The following RGS6 variants were observed in gnomAD, a reference collection of about 807,000 sequenced individuals.
The protein encoded by RGS6 is regulator of G-protein signaling 6.
In RGS6, 30 loss-of-function variants were observed where a neutral mutation model predicts 78.5. The ratio of observed to expected loss-of-function variants is 0.38; its 90% CI spans 0.29 to 0.52. RGS6 has a LOEUF of 0.52. Ranked by LOEUF, RGS6 falls within the 20% of genes least tolerant of loss-of-function variation. RGS6 has a pLI of 0.85. For missense variants in RGS6, 495 were observed against 609.7 expected, an observed-to-expected ratio of 0.81 and a Z score of 1.98; for synonymous variants, 206 against 206.0, an observed-to-expected ratio of 1.00 and a Z score of 0.00.
the RGS6 span, among the ~76,000 whole-genome samples, chr14:71,896,965 G>A: frequency 3.6e-4 from 55 of 152,290 alleles, no homozygotes; most frequent in Admixed American, 5.9e-4. Context: ...GGGTTAGATT[G>A]GCTTAGGTAA....
At chr14:72,592,008 G>C in the RGS6 span, among the ~76,000 whole-genome samples, 1 of 152,192 alleles carries the variant, frequency 6.6e-6, no homozygotes, top group Admixed American at 6.5e-5. Context: ...CAGGAGGGGA[G>C]AGTCATCCAA....
intron 2 of RGS6, among the ~76,000 whole-genome samples, chr14:72,062,928 G>A (rs1019051296): frequency 6.6e-6 from 1 of 152,146 alleles, no homozygotes; most frequent in Non-Finnish European, 1.5e-5. Flanking sequence ...CCAGGTTCAA[G>A]CATTCGTGCC....
rs533318145 is a variant in RGS6 at position 72,111,256 on chromosome 14, C to G, written c.84+146381C>G. On this transcript the variant is annotated intron_variant, in intron 2 of 17. Coordinates refer to ENST00000553525, the MANE Select transcript of RGS6 (RefSeq NM_001204424.2). ...TAGCTAAAGTAAATGACATCCAACT[C>G]TCCTTACATGGAAAAAAGGCACTAA... Among the ~76,000 whole-genome samples, 55 of 152,270 alleles carry G rather than the reference C, an allele frequency of 3.6e-4. 1 individual carries two copies. The highest frequency in any genetic ancestry group is 2.9e-5 in the Non-Finnish European group (2 of 68,018).
intron 17 of RGS6, among the ~76,000 whole-genome samples, chr14:72,561,239 C>G (rs1186584179): frequency 2.6e-5 from 4 of 152,166 alleles, no homozygotes; most frequent in African/African-American, 9.7e-5. Context: ...GCCCTCACAC[C>G]CCACTTGGAA....
At chr14:71,976,535 G>A (rs890105207) in intron 2 of RGS6, among the ~76,000 whole-genome samples, 2 of 151,648 alleles carry the variant, frequency 1.3e-5, no homozygotes, top group African/African-American at 4.9e-5. Context: ...TCTTGCGATA[G>A]TTTACTGAGA....
intron 6 of RGS6, 126 bp from the exon 7 acceptor site, chr14:72,465,632 G>GGATT (rs2153275391): frequency 1.6e-6 from 1 of 634,398 alleles, no homozygotes; most frequent in East Asian, 3.0e-5. Flanking sequence ...GTGGATGGAT[G>GGATT]GATGGATGGA....
chr14:72,575,431 G>T, the RGS6 span, among the ~76,000 whole-genome samples: 1 of 152,144 alleles, frequency 6.6e-6, no homozygotes, highest in Non-Finnish European at 1.5e-5. Context: ...ATAGGTGAGG[G>T]CATTGAGGGT....
intron 2 of RGS6, among the ~76,000 whole-genome samples, chr14:72,108,576 T>C (rs958646256): frequency 3.3e-5 from 5 of 152,020 alleles, no homozygotes; most frequent in African/African-American, 9.6e-5. Context: ...TCTTCAAAAT[T>C]TATCAATTCT....
At chr14:72,085,853 C>CAAAAAAAAAAA (rs35951230) in intron 2 of RGS6, among the ~76,000 whole-genome samples, 2 of 72,750 alleles carry the variant, frequency 2.7e-5, no homozygotes, top group Non-Finnish European at 4.8e-5. Flanking sequence ...GACACCATCT[C>CAAAAAAAAAAA]AAAAAAAAAA....
chr14:72,581,232 T>C, the RGS6 span, among the ~76,000 whole-genome samples: 1 of 152,152 alleles, frequency 6.6e-6, no homozygotes, highest in African/African-American at 2.4e-5. Flanking sequence ...GAGGAAAGTA[T>C]GTTTCTACCT....
chr14:72,448,094 A>G (rs1209355662), intron 3 of RGS6, among the ~76,000 whole-genome samples: 1 of 152,200 alleles, frequency 6.6e-6, no homozygotes, highest in Non-Finnish European at 1.5e-5. Context: ...ACCTGGCCTT[A>G]TTCTTAACTA....
At chr14:72,420,095 G>A (rs1189290520) in intron 3 of RGS6, among the ~76,000 whole-genome samples, 2 of 152,166 alleles carry the variant, frequency 1.3e-5, no homozygotes, top group African/African-American at 2.4e-5. Context: ...GAAAGAATTT[G>A]GATATGTGAC....
chr14:71,932,992 A>G (rs973166690), intron 1 of RGS6, 51 bp downstream of exon 1: 4 of 152,294 alleles, frequency 2.6e-5, no homozygotes, highest in African/African-American at 9.6e-5. Context: ...GGGGAAAAAC[A>G]TGGTTTAAAA....
At chr14:71,870,661 C>T in the RGS6 span, among the ~76,000 whole-genome samples, 3 of 152,196 alleles carry the variant, frequency 2.0e-5, no homozygotes, top group Non-Finnish European at 4.4e-5. Context: ...CTGTGGTGCT[C>T]AACTACTGTC....
chr14:71,905,393 GGGA>G, the RGS6 span, among the ~76,000 whole-genome samples: 1 of 152,190 alleles, frequency 6.6e-6, no homozygotes. Context: ...GTTTTTGAAA[GGGA>G]CATAGAATTA....
intron 2 of RGS6, among the ~76,000 whole-genome samples, chr14:72,081,357 A>G (rs1335638531): frequency 1.3e-5 from 2 of 152,072 alleles, no homozygotes; most frequent in South Asian, 2.1e-4. Context: ...TAATTCTTAC[A>G]TATTTTATCT....
chr14:72,602,582 G>T, the RGS6 span, among the ~76,000 whole-genome samples: 2 of 152,184 alleles, frequency 1.3e-5, no homozygotes, highest in Admixed American at 1.3e-4. Flanking sequence ...CCGAGGCAAG[G>T]GTGAGCTCTC....
intron 15 of RGS6, among the ~76,000 whole-genome samples, chr14:72,532,283 T>C (rs1379915028): frequency 2.6e-5 from 4 of 152,230 alleles, no homozygotes; most frequent in Non-Finnish European, 5.9e-5. Flanking sequence ...GTAATTGCTC[T>C]GGGGGTGCCC....
the RGS6 span, among the ~76,000 whole-genome samples, chr14:71,920,232 C>T: frequency 0.28 from 42,720 of 152,020 alleles, 7,053 homozygotes; most frequent in East Asian, 0.43. Flanking sequence ...GATTAATCTG[C>T]GCTAGTGGTT....
Sources: gnomAD v4.1 joint callset for allele counts (sites outside exome capture counted in the v4.1 genomes callset) on GRCh38, gnomAD v4.1.1 for gene constraint, MANE v1.5 for transcripts, NCBI Gene and HGNC (gene_info 2026-07-23, HGNC 2026-07-21) for gene names.